The following SRGAP2C variants were observed in gnomAD, a reference collection of about 807,000 sequenced individuals.
SRGAP2C encodes the protein SLIT-ROBO Rho GTPase activating protein 2C.
SRGAP2C carries 15 observed loss-of-function variants against 25.1 expected under a neutral mutation model. The observed-to-expected ratio is 0.60, with a 90% CI of 0.40 to 0.92. SRGAP2C has a LOEUF of 0.92. Ranked by LOEUF, SRGAP2C falls within the 40% of genes least tolerant of loss-of-function variation. The pLI is 0.00. For missense variants in SRGAP2C, 144 were observed against 264.4 expected, an observed-to-expected ratio of 0.54 and a Z score of 3.16; for synonymous variants, 44 against 96.6, an observed-to-expected ratio of 0.46 and a Z score of 3.19.
chr1:121,199,764 C>T (rs1159990964), intron 2 of SRGAP2C, among the ~76,000 whole-genome samples: 1 of 144,362 alleles, frequency 6.9e-6, no homozygotes, highest in East Asian at 2.0e-4. Context: ...CATTGCACTC[C>T]AGCCTAGGTG....
intron 2 of SRGAP2C, among the ~76,000 whole-genome samples, chr1:121,212,275 C>T (rs1232090902): frequency 1.6e-4 from 22 of 141,484 alleles, no homozygotes; most frequent in African/African-American, 5.0e-4. Context: ...GGACTACAGG[C>T]GCCCGCCACC....
intron 2 of SRGAP2C, among the ~76,000 whole-genome samples, chr1:121,204,523 G>A (rs1302293937): frequency 6.6e-6 from 1 of 151,608 alleles, no homozygotes; most frequent in South Asian, 2.1e-4. Flanking sequence ...GCCTCCCAAA[G>A]TGCTGGGATT....
At chr1:121,340,261 A>G (rs1389502275) in intron 4 of SRGAP2C, among the ~76,000 whole-genome samples, 1 of 151,546 alleles carries the variant, frequency 6.6e-6, no homozygotes, top group African/African-American at 2.4e-5. Flanking sequence ...TTGAGGGTGG[A>G]GAGTAGAAAA....
chr1:121,196,016 G>T (rs1359538781), intron 2 of SRGAP2C, among the ~76,000 whole-genome samples: 2 of 50,750 alleles, frequency 3.9e-5, no homozygotes, highest in African/African-American at 2.1e-4. Flanking sequence ...GCGCAGTCCC[G>T]TATCTTCACC....
intron 2 of SRGAP2C, among the ~76,000 whole-genome samples, chr1:121,189,305 G>T (rs1446144954): frequency 4.6e-5 from 1 of 21,864 alleles, no homozygotes; most frequent in African/African-American, 2.7e-4. Flanking sequence ...TATTGGCAAA[G>T]GATTTCTCAA....
chr1:121,324,054 CTTG>C (rs1658268235), intron 3 of SRGAP2C, among the ~76,000 whole-genome samples: 1 of 152,188 alleles, frequency 6.6e-6, no homozygotes, highest in African/African-American at 2.4e-5. Context: ...TGCCCTCTTA[CTTG>C]TTGTGTTAGT....
chr1:121,377,106 C>A, intron 7 of SRGAP2C, among the ~76,000 whole-genome samples: 1 of 131,064 alleles, frequency 7.6e-6, no homozygotes, highest in African/African-American at 2.7e-5. Context: ...TTATTTTCAT[C>A]ATTTAAAAAA....
At position 121,381,143 on chromosome 1, in the gene SRGAP2C, A is replaced by G. The variant is rs1161022852; in HGVS notation, c.832-1558A>G. Among the ~76,000 whole-genome samples the G allele has an allele frequency of 3.3e-5, 3 of 90,154 alleles. 1 individual carries two copies. Among genetic ancestry groups the G allele is most frequent in the Non-Finnish European group, 7.2e-5 (3 of 41,580 alleles). The allele number at this position is 90,154 out of a possible 152,430, so 59.1% of individuals were successfully genotyped here. A position where few individuals can be genotyped will look rare whatever the true frequency, so the allele number is the denominator to read the frequency against. On this transcript the variant is annotated intron_variant, in intron 7 of 9. Coordinates refer to ENST00000367123, the MANE Select transcript of SRGAP2C (RefSeq NM_001329984.2). Reference sequence around the variant, plus strand: ...AATGAGCCACTTTTGTCTAGCTTCCATTTGCTCTTCCCTCCCAACTGAATT... The same window carrying G: ...AATGAGCCACTTTTGTCTAGCTTCCGTTTGCTCTTCCCTCCCAACTGAATT...
intron 2 of SRGAP2C, among the ~76,000 whole-genome samples, chr1:121,210,244 A>T (rs1270536472): frequency 1.3e-5 from 2 of 151,828 alleles, no homozygotes; most frequent in Non-Finnish European, 2.9e-5. Context: ...AAAATCAAAT[A>T]CTTGTAAAAA....
chr1:121,230,755 A>G (rs1183386169), intron 2 of SRGAP2C, among the ~76,000 whole-genome samples: 3 of 151,934 alleles, frequency 2.0e-5, no homozygotes, highest in South Asian at 2.1e-4. Flanking sequence ...TTGCAGCACT[A>G]TTCACAATAA....
intron 3 of SRGAP2C, among the ~76,000 whole-genome samples, chr1:121,315,379 T>C (rs1553340513): frequency 0.91 from 124,048 of 136,496 alleles, 56,807 homozygotes; most frequent in African/African-American, 0.98. Context: ...CCCAAAGTTA[T>C]CTGGCTAGTA....
chr1:121,267,367 T>A (rs1553334511), intron 2 of SRGAP2C, among the ~76,000 whole-genome samples: 1 of 151,232 alleles, frequency 6.6e-6, no homozygotes, highest in Admixed American at 6.6e-5. Context: ...ACTTTTTGTA[T>A]TTTTAGTAGA....
chr1:121,350,121 A>ATT (rs1352422002), intron 4 of SRGAP2C, among the ~76,000 whole-genome samples: 3 of 151,684 alleles, frequency 2.0e-5, no homozygotes, highest in Admixed American at 2.0e-4. Flanking sequence ...AAATATGGAA[A>ATT]TTTAAGGCCC....
chr1:121,272,379 G>A (rs1553335409), intron 2 of SRGAP2C, among the ~76,000 whole-genome samples: 2 of 151,592 alleles, frequency 1.3e-5, no homozygotes, highest in African/African-American at 4.8e-5. Flanking sequence ...CTGGCATTTT[G>A]AGCCCAGGCA....
intron 2 of SRGAP2C, among the ~76,000 whole-genome samples, chr1:121,191,452 C>T (rs1236203995): frequency 2.0e-5 from 3 of 150,142 alleles, no homozygotes; most frequent in South Asian, 2.1e-4. Context: ...GAATATTTTC[C>T]ATTCCCATTT....
chr1:121,367,095 G>A lies in SRGAP2C; in HGVS notation c.486+1740G>A, dbSNP rs1659347089. 2.0e-5 allele frequency among the ~76,000 whole-genome samples: 3 copies of A among 151,978 alleles called. No individual in the cohort carries two copies. In the South Asian group the frequency reaches 6.3e-4, roughly 32 times the overall value. Reference sequence around the variant, plus strand: ...CCAACTACTTTACTGGCCATTGTGAGGCCATGGTCAACATACAGCATAACA... The same window carrying A: ...CCAACTACTTTACTGGCCATTGTGAAGCCATGGTCAACATACAGCATAACA... On this transcript the variant is annotated intron_variant, in intron 5 of 9. Coordinates refer to ENST00000367123, the MANE Select transcript of SRGAP2C (RefSeq NM_001329984.2).
chr1:121,209,760 C>A (rs1655203959), intron 2 of SRGAP2C, among the ~76,000 whole-genome samples: 1 of 81,386 alleles, frequency 1.2e-5, no homozygotes, highest in Admixed American at 1.1e-4. Flanking sequence ...TTTTTAATAT[C>A]ATGTTTCATT....
chr1:121,238,006 G>A (rs587618674), intron 2 of SRGAP2C, among the ~76,000 whole-genome samples: 1 of 84,550 alleles, frequency 1.2e-5, no homozygotes, highest in South Asian at 3.0e-4. Flanking sequence ...GTAGACACTT[G>A]GAATACATGG....
rs1358840245 is a variant in SRGAP2C at position 121,230,718 on chromosome 1, A to G, written c.67+43205A>G. ...CCAAAGGTTTAAAAATCATTCTACT[A>G]TAAAGACACATGCATACATATGTTT... On this transcript the variant is annotated intron_variant, in intron 2 of 9. Transcript: ENST00000367123. Among the ~76,000 whole-genome samples, 6 of 150,158 alleles carry G rather than the reference A, an allele frequency of 4.0e-5. No homozygotes were observed. The East Asian group carries it at 7.9e-4, about 20-fold the overall frequency.
Sources: allele counts gnomAD v4.1 joint callset (sites outside exome capture counted in the v4.1 genomes callset), GRCh38; gene constraint gnomAD v4.1.1; transcripts MANE v1.5; gene names NCBI Gene and HGNC (gene_info 2026-07-23, HGNC 2026-07-21).